CLPX: variants seen among roughly 807,000 people sequenced by gnomAD.
CLPX encodes caseinolytic mitochondrial matrix peptidase chaperone subunit X, also known as ATP-dependent clpX-like chaperone, mitochondrial.
In CLPX, 34 loss-of-function variants were observed where a neutral mutation model predicts 76.4. That is an observed-to-expected ratio of 0.45 (90% CI 0.34 to 0.59). CLPX has a LOEUF of 0.59. Among genes scored for constraint, CLPX ranks in the 20% least tolerant of loss-of-function variants. The pLI is 0.01. For synonymous variants in CLPX, 248 were observed against 270.9 expected, an observed-to-expected ratio of 0.92 and a Z score of 0.83; for missense variants, 613 against 757.0, an observed-to-expected ratio of 0.81 and a Z score of 2.23.
chr15:65,168,226 ATAGAAAAAT>A (rs1370374776), intron 3 of CLPX, among the ~76,000 whole-genome samples: 1 of 150,686 alleles, frequency 6.6e-6, no homozygotes, highest in Non-Finnish European at 1.5e-5. Flanking sequence ...TCTACTAAAA[ATAGAAAAAT>A]TAGCTGGGTG....
intron 6 of CLPX, among the ~76,000 whole-genome samples, chr15:65,161,382 G>T (rs913468068): frequency 4.6e-5 from 7 of 152,014 alleles, no homozygotes; most frequent in African/African-American, 1.7e-4. Flanking sequence ...CCAGTGTTAG[G>T]GTCTAACACC....
Position 65,169,880 on chromosome 15 carries a change from C to T in CLPX, c.359-3095G>A, listed in dbSNP as rs60505341. 6.5e-3 allele frequency among the ~76,000 whole-genome samples: 984 copies of T among 152,014 alleles called. 8 individuals carry two copies. The highest frequency in any genetic ancestry group is 0.022 in the African/African-American group (930 of 41,464). On this transcript the variant is annotated intron_variant, in intron 3 of 13. Transcript: ENST00000300107. Reference sequence around the variant, plus strand: ...GGTTCAAGCAATTCTCTTGCCTCAGCCTCCGAAGTAGCTGGGATTACAGGC... The same window carrying T: ...GGTTCAAGCAATTCTCTTGCCTCAGTCTCCGAAGTAGCTGGGATTACAGGC...
At chr15:65,156,802 CCTT>C (rs2087794888) in intron 9 of CLPX, 39 bp downstream of exon 9, 1 of 1,271,652 alleles carries the variant, frequency 7.9e-7, no homozygotes, top group East Asian at 2.3e-5. Flanking sequence ...TGATGTATTC[CCTT>C]CCTTTTAGTG....
intron 1 of CLPX, 91 bp downstream of exon 1, chr15:65,184,984 G>T: frequency 9.3e-7 from 1 of 1,072,482 alleles, no homozygotes; most frequent in Non-Finnish European, 1.4e-6. Flanking sequence ...GGGTGCAGCA[G>T]GCCTCGTGCC....
At chr15:65,180,614 T>G (rs1168329478) in intron 1 of CLPX, among the ~76,000 whole-genome samples, 1 of 152,070 alleles carries the variant, frequency 6.6e-6, no homozygotes, top group East Asian at 1.9e-4. Flanking sequence ...ATAAGAATAC[T>G]ATCTGGGCCG....
chr15:65,174,194 C>T (rs2088054402), intron 3 of CLPX, among the ~76,000 whole-genome samples: 3 of 151,960 alleles, frequency 2.0e-5, no homozygotes, highest in African/African-American at 7.3e-5. Flanking sequence ...AGGATGGTCT[C>T]GATCTCCTGA....
intron 11 of CLPX, among the ~76,000 whole-genome samples, chr15:65,154,287 T>G (rs1595936224): frequency 6.6e-6 from 1 of 152,140 alleles, no homozygotes; most frequent in African/African-American, 2.4e-5. Context: ...GGGGCTTGAC[T>G]TGAGGCAGTG....
At chr15:65,153,328 T>C (rs1338261829) in intron 12 of CLPX, among the ~76,000 whole-genome samples, 2 of 152,052 alleles carry the variant, frequency 1.3e-5, no homozygotes, top group Non-Finnish European at 1.5e-5. Context: ...TTCTTGCCTA[T>C]AGTTCCAGCT....
rs1308473131 is a variant in CLPX, at chr15:65,185,048, G to T, written c.79+27C>A. 8 of 1,551,434 alleles carry T rather than the reference G, an allele frequency of 5.2e-6. No individual in the cohort carries two copies. The Admixed American group carries it at 7.8e-5, about 15-fold the overall frequency. On this transcript the variant is annotated intron_variant, in intron 1 of 13. Coordinates refer to ENST00000300107, the MANE Select transcript of CLPX (RefSeq NM_006660.5). ...TCCACCCCCCCCCCGACAGGCTGAG[G>T]GCTCAGGAGTGGCACTATTTCGTTA...
chr15:65,184,625 G>A (rs2088229385), intron 1 of CLPX: 1 of 194,644 alleles, frequency 5.1e-6, no homozygotes. Flanking sequence ...CCCTAGTAGG[G>A]ACAGATCCTC....
In CLPX at chr15:65,149,705, C is replaced by CA. The variant is rs1480195693; in HGVS notation, c.*1117dup. On this transcript the variant is annotated 3_prime_UTR_variant, in exon 14 of 14. Transcript: ENST00000300107. ...TGAAACCCTGTCTCTACTAAAAATACAAAAATTAGCCAGGTGTGGTGGTGC... is the reference window on the plus strand; with the variant it reads ...TGAAACCCTGTCTCTACTAAAAATACAAAAAATTAGCCAGGTGTGGTGGTGC... 1 of 281,660 alleles carries CA rather than the reference C, an allele frequency of 3.6e-6. No homozygotes were observed. The highest frequency in any genetic ancestry group is 7.0e-6 in the Non-Finnish European group (1 of 143,174). 17.4% of individuals were successfully genotyped at this position (281,660 alleles called of 1,614,324 possible).
chr15:65,179,424 T>C (rs1215386363), intron 2 of CLPX, among the ~76,000 whole-genome samples: 1 of 152,238 alleles, frequency 6.6e-6, no homozygotes, highest in Non-Finnish European at 1.5e-5. Flanking sequence ...TTCTTAGATC[T>C]AACTTTTCTC....
intron 6 of CLPX, among the ~76,000 whole-genome samples, chr15:65,159,284 T>G (rs1311031875): frequency 1.3e-5 from 2 of 152,220 alleles, no homozygotes; most frequent in African/African-American, 2.4e-5. Flanking sequence ...TAACTAGATG[T>G]GACTGACATT....
chr15:65,169,152 T>C (rs1181347404), intron 3 of CLPX, among the ~76,000 whole-genome samples: 1 of 151,544 alleles, frequency 6.6e-6, no homozygotes, highest in African/African-American at 2.4e-5. Context: ...GCCTCCCGAG[T>C]AGCTGGGACT....
chr15:65,150,734 C>T lies in CLPX; in HGVS notation c.*89G>A. On this transcript the variant is annotated 3_prime_UTR_variant, in exon 14 of 14. Coordinates refer to ENST00000300107, the MANE Select transcript of CLPX (RefSeq NM_006660.5). ...ACCATGTATGATATCCAAGATAGAT[C>T]CAATGCCTTTAATATCAGACTGTAG... The T allele has an allele frequency of 1.2e-6, 1 of 818,070 alleles. No individual in the cohort carries two copies. The allele number at this position is 818,070 out of a possible 1,614,324, so 50.7% of individuals were successfully genotyped here.
chr15:65,180,903 C>CAAA (rs1251123572), intron 1 of CLPX, among the ~76,000 whole-genome samples: 19 of 102,876 alleles, frequency 1.8e-4, no homozygotes, highest in Non-Finnish European at 1.2e-4. Flanking sequence ...GACTCCATCT[C>CAAA]AAAAAAAAAA....
At chr15:65,172,072 C>A (rs1387496974) in intron 3 of CLPX, among the ~76,000 whole-genome samples, 1 of 152,072 alleles carries the variant, frequency 6.6e-6, no homozygotes, top group Non-Finnish European at 1.5e-5. Context: ...CTCAGCTCAC[C>A]GCAACCTCCG....
At chr15:65,159,513 G>C (rs2087827539) in intron 6 of CLPX, among the ~76,000 whole-genome samples, 2 of 152,144 alleles carry the variant, frequency 1.3e-5, no homozygotes, top group South Asian at 4.1e-4. Context: ...GGGAGGCCGA[G>C]GCAGGAGAAT....
chr15:65,159,444 C>G (rs866582946), intron 6 of CLPX, among the ~76,000 whole-genome samples: 12 of 152,192 alleles, frequency 7.9e-5, no homozygotes, highest in Admixed American at 3.3e-4. Flanking sequence ...AACCCCATCT[C>G]TACTAAAAAT....
Sources: gnomAD v4.1 joint callset for allele counts (sites outside exome capture counted in the v4.1 genomes callset) on GRCh38, gnomAD v4.1.1 for gene constraint, MANE v1.5 for transcripts, NCBI Gene and HGNC (gene_info 2026-07-23, HGNC 2026-07-21) for gene names.